The following PDE4C variants were observed in gnomAD, a reference collection of about 807,000 sequenced individuals.
PDE4C encodes the protein phosphodiesterase 4C, also known as 3',5'-cyclic-AMP phosphodiesterase 4C.
Under a neutral mutation model 63.9 loss-of-function variants are expected in PDE4C, and 50 were observed. The observed-to-expected ratio is 0.78, with a 90% CI of 0.62 to 0.99. The LOEUF (loss-of-function observed/expected upper bound fraction) is 0.99, where lower values mean the gene tolerates loss of function less well. Ranked by LOEUF, PDE4C falls within the 50% of genes least tolerant of loss-of-function variation. PDE4C has a pLI of 0.00. For synonymous variants in PDE4C, 377 were observed against 385.1 expected, an observed-to-expected ratio of 0.98 and a Z score of 0.25; for missense variants, 777 against 899.1, an observed-to-expected ratio of 0.86 and a Z score of 1.74.
chr19:18,208,252 C>G (rs1278075876), downstream of PDE4C: 1 of 152,162 alleles, frequency 6.6e-6, no homozygotes, highest in East Asian at 1.9e-4. Flanking sequence ...AAGCCGAGGG[C>G]GGCTGTGATG....
rs368457060 is a variant in PDE4C at position 18,220,426 on chromosome 19, C to G, written c.589G>C (p.Val197Leu). 44 of 1,614,080 alleles carry G rather than the reference C, an allele frequency of 2.7e-5. 1 individual carries two copies. The change falls in exon 6 of 15, where the codon GTG becomes CTG. Residue 197 changes from valine to leucine, a missense_variant. Physicochemically the swap from Val to Leu is conservative, Grantham distance 32. Around this residue, in one of 3 missense-constraint regions of PDE4C, gnomAD observed 28 missense variants for 53.5 expected, o/e 0.52. Coordinates refer to ENST00000262805, the Ensembl canonical transcript of PDE4C. This position sits in a 1 kb window ranked among gnomAD's most constrained non-coding sequence, Gnocchi z 5.1. ...ACCTTGTTGGAGGCCATCTCCCCCA[C>G]CGAGTGCCGGGTCTGCAGCGTCTCC...
intron 1 of PDE4C, among the ~76,000 whole-genome samples, chr19:18,240,591 G>A (rs1172152617): frequency 6.6e-6 from 1 of 152,044 alleles, no homozygotes. Flanking sequence ...AGCTGTGCCT[G>A]GTGGTGCGCA....
intron 4 of PDE4C, 53 bp downstream of exon 4, chr19:18,221,052 G>GCCAGGCGCCCCCCCCCCCCC: frequency 1.6e-6 from 2 of 1,245,302 alleles, no homozygotes; most frequent in Non-Finnish European, 2.3e-6. Context: ...CCCGCTTTCC[G>GCCAGGCGCCCCCCCCCCCCC]CCCACCTTGT....
upstream of PDE4C, chr19:18,249,936 A>T: frequency 2.5e-6 from 1 of 393,082 alleles, no homozygotes; most frequent in East Asian, 3.6e-5. Context: ...AAGTAAAGAC[A>T]TGGTCCCCAC....
chr19:18,230,668 C>T (rs1010748861), upstream of PDE4C, among the ~76,000 whole-genome samples: 3 of 152,086 alleles, frequency 2.0e-5, no homozygotes, highest in African/African-American at 7.2e-5. Context: ...TTGCACTCAC[C>T]CTAGCTGACC....
At chr19:18,222,087 G>T in intron 2 of PDE4C, 45 bp downstream of exon 2, 1 of 1,512,244 alleles carries the variant, frequency 6.6e-7, no homozygotes, top group Non-Finnish European at 9.1e-7. Context: ...AACAAAGGAA[G>T]GAGGGAGGGT....
At chr19:18,237,088 A>C (rs1216300122), upstream of PDE4C, 1 of 152,656 alleles carries the variant, frequency 6.6e-6, no homozygotes, top group Non-Finnish European at 1.5e-5. Flanking sequence ...AGACATGAGC[A>C]AGTTCTTGGT....
intron 1 of PDE4C, chr19:18,224,611 GT>G: frequency 2.8e-6 from 2 of 724,084 alleles, no homozygotes; most frequent in South Asian, 1.2e-4. Context: ...GTTACGCTCG[GT>G]CTGCTTCGAA....
upstream of PDE4C, among the ~76,000 whole-genome samples, chr19:18,234,507 A>T (rs1381282421): frequency 7.2e-5 from 11 of 152,178 alleles, no homozygotes; most frequent in Non-Finnish European, 8.8e-5. Flanking sequence ...TAACTGAAGT[A>T]GGCATGAACA....
upstream of PDE4C, among the ~76,000 whole-genome samples, chr19:18,230,112 T>C (rs999158038): frequency 1.3e-5 from 2 of 152,132 alleles, no homozygotes; most frequent in African/African-American, 4.8e-5. Context: ...TTCACATTTA[T>C]TGTCATGATT....
At chr19:18,233,518 A>G in exon 1 of PDE4C, 1 of 597,654 alleles carries the variant, frequency 1.7e-6, no homozygotes, top group Admixed American at 2.1e-5. Flanking sequence ...ATAGCGCTGC[A>G]TGGAAAAGAA....
At chr19:18,240,746 G>C (rs1969022347) in intron 1 of PDE4C, among the ~76,000 whole-genome samples, 1 of 152,118 alleles carries the variant, frequency 6.6e-6, no homozygotes, top group African/African-American at 2.4e-5. Flanking sequence ...TGGGGAAACT[G>C]AGGTCCAAGA....
chr19:18,224,759 G>C (rs995319866), intron 1 of PDE4C, among the ~76,000 whole-genome samples: 11 of 152,226 alleles, frequency 7.2e-5, no homozygotes, highest in Non-Finnish European at 1.5e-4. Flanking sequence ...TAGCAGCACC[G>C]GGATGAACCC....
intron 1 of PDE4C, among the ~76,000 whole-genome samples, chr19:18,247,529 C>T (rs1243855467): frequency 2.0e-5 from 3 of 152,190 alleles, no homozygotes; most frequent in Non-Finnish European, 4.4e-5. Context: ...CTCCTGACCT[C>T]AAGTGATCCG....
At chr19:18,211,731 T>C in intron 14 of PDE4C, 28 bp downstream of exon 14, 1 of 1,612,514 alleles carries the variant, frequency 6.2e-7, no homozygotes, top group Non-Finnish European at 8.5e-7. Context: ...TCCCAGTGTC[T>C]ACCGGTTCAG....
At chr19:18,237,042 T>G (rs1968963379), upstream of PDE4C, 1 of 152,720 alleles carries the variant, frequency 6.5e-6, no homozygotes, top group Non-Finnish European at 1.5e-5. Context: ...CAAGCCAGAA[T>G]CCACCAACTC....
chr19:18,232,597 G>A (rs1326086328), intron 1 of PDE4C, among the ~76,000 whole-genome samples: 2 of 151,806 alleles, frequency 1.3e-5, no homozygotes, highest in African/African-American at 2.4e-5. Flanking sequence ...AGACACACAG[G>A]CACACCCACA....
chr19:18,241,502 C>T (rs564659160), intron 1 of PDE4C, among the ~76,000 whole-genome samples: 1 of 151,986 alleles, frequency 6.6e-6, no homozygotes, highest in Non-Finnish European at 1.5e-5. Flanking sequence ...CTCCTGACCT[C>T]ATGATCTGCC....
At chr19:18,230,550 C>T (rs1968827208), upstream of PDE4C, among the ~76,000 whole-genome samples, 1 of 152,156 alleles carries the variant, frequency 6.6e-6, no homozygotes. Context: ...CAGAGAGCCT[C>T]TCCTTCCATC....
Sources: allele counts gnomAD v4.1 joint callset (sites outside exome capture counted in the v4.1 genomes callset), GRCh38; gene constraint gnomAD v4.1.1; regional missense constraint gnomAD v4.1.1; non-coding constraint Gnocchi (gnomAD v3.1); transcripts MANE v1.5; gene names NCBI Gene and HGNC (gene_info 2026-07-23, HGNC 2026-07-21).